SEC61A1: variants seen among roughly 807,000 people sequenced by gnomAD.
SEC61A1 encodes the protein SEC61 translocon subunit alpha 1, also known as protein transport protein Sec61 subunit alpha isoform 1.
A neutral mutation model predicts 55.2 loss-of-function variants in SEC61A1; 15 were observed. The observed-to-expected ratio is 0.27, with a 90% confidence interval of 0.18 to 0.42. The LOEUF (loss-of-function observed/expected upper bound fraction) is 0.42. SEC61A1 is among the 10% of genes least tolerant of loss of function. SEC61A1 has a pLI of 1.00. For synonymous variants in SEC61A1, 247 were observed against 234.0 expected (o/e 1.06, Z -0.51); for missense variants, 284 against 602.6 (o/e 0.47, Z 5.53).
In SEC61A1 at chr3:128,065,114, C is replaced by T. The variant is rs752496514; in HGVS notation, c.777+77C>T. ...AGAATGCCTTGTGTGCAGTCCCCCA[C>T]TCTGTGGGGTGCACTGTCATCATAT... On this transcript the variant is annotated intron_variant, in intron 8 of 11. Transcript: ENST00000243253. The T allele has an allele frequency of 1.2e-5, 17 of 1,421,790 alleles. No individual in the cohort carries two copies. The East Asian group carries it at 3.9e-4, about 32-fold the overall frequency. 88.1% of individuals were successfully genotyped at this position (1,421,790 alleles called of 1,614,324 possible).
chr3:128,061,674 T>TA (rs1290355655), intron 7 of SEC61A1, among the ~76,000 whole-genome samples: 1 of 152,192 alleles, frequency 6.6e-6, no homozygotes, highest in Non-Finnish European at 1.5e-5. Context: ...ATTTGATGCT[T>TA]CCTTGAGTAC....
At chr3:128,068,312 G>T (rs141028245) in intron 11 of SEC61A1, among the ~76,000 whole-genome samples, 1 of 152,264 alleles carries the variant, frequency 6.6e-6, no homozygotes, top group African/African-American at 2.4e-5. Context: ...GTGGCCAGGC[G>T]GATAGGAGAC....
chr3:128,054,511 T>G (rs1188273927), intron 2 of SEC61A1, among the ~76,000 whole-genome samples: 2 of 152,220 alleles, frequency 1.3e-5, no homozygotes. Context: ...ATTCACCCAC[T>G]GTTGTGTGGC....
upstream of SEC61A1, chr3:128,051,996 G>A (rs1204887161): frequency 9.8e-7 from 1 of 1,022,522 alleles, no homozygotes; most frequent in Non-Finnish European, 1.5e-6. Flanking sequence ...GCTGGGATAA[G>A]GTCCCTGCTC....
chr3:128,064,828 T>C (rs1266934761), intron 7 of SEC61A1, 49 bp from the exon 8 acceptor site: 4 of 1,502,546 alleles, frequency 2.7e-6, no homozygotes, highest in Non-Finnish European at 3.6e-6. Flanking sequence ...TAGAAGCAAA[T>C]TGAGTTGCCT....
chr3:128,069,479 C>T lies in SEC61A1; in HGVS notation c.1248C>T (p.Tyr416=). The T allele has an allele frequency of 8.1e-6, 13 of 1,610,532 alleles. No homozygotes were observed. The highest frequency in any genetic ancestry group is 1.1e-5 in the Non-Finnish European group (13 of 1,179,822). ...CTGACTGTGTCCCCTCCCCCAGGTA[C>T]ATCCCCACAGCCGCGGCCTTTGGTG... ...ETSMVHELNR[Y]IPTAAAFGGL... is the part of the protein sequence containing the mutation. The change falls in exon 12 of 12, where the codon TAC becomes TAT. Residue 416 remains tyrosine, a synonymous_variant. Coordinates refer to ENST00000243253, the MANE Select transcript of SEC61A1 (RefSeq NM_013336.4).
Position 128,066,946 on chromosome 3 carries a change from C to T in SEC61A1, c.778-8C>T, listed in dbSNP as rs1941999923. 1.9e-6 allele frequency: 3 copies of T among 1,614,044 alleles called. No individual in the cohort carries two copies. Among genetic ancestry groups the T allele is most frequent in the Middle Eastern group, 3.3e-4 (2 of 6,058 alleles). ...GTGAAGGGGATTTGGTTCTGTTTGG[C>T]TTCTCAGGGCTTCCGAGTGGACCTG... On this transcript the variant is annotated splice_polypyrimidine_tract_variant and splice_region_variant and intron_variant, in intron 8 of 11. Transcript: ENST00000243253.
intron 8 of SEC61A1, among the ~76,000 whole-genome samples, chr3:128,066,457 G>A (rs906917234): frequency 1.3e-5 from 2 of 151,996 alleles, no homozygotes; most frequent in African/African-American, 4.8e-5. Flanking sequence ...GGGTCTCGTT[G>A]TGTTGCTTAG....
At position 128,052,872 on chromosome 3, in the gene SEC61A1, C is replaced by T. The variant is rs780346463; in HGVS notation, c.45C>T (p.Ile15=). The change falls in exon 2 of 12, where the codon ATC becomes ATT. Residue 15 remains isoleucine, a synonymous_variant. Transcript: ENST00000243253. ...FLEVIKPFCV[I]LPEIQKPERK... ...AAGTCATCAAGCCCTTCTGTGTCATCCTGCCGGAAATTCAGAAGCCAGAGA... is the reference window on the plus strand; with the variant it reads ...AAGTCATCAAGCCCTTCTGTGTCATTCTGCCGGAAATTCAGAAGCCAGAGA... 14 of 1,613,056 alleles carry T rather than the reference C, an allele frequency of 8.7e-6. No homozygotes were observed. Among genetic ancestry groups the T allele is most frequent in the East Asian group, 2.2e-5 (1 of 44,866 alleles).
intron 7 of SEC61A1, among the ~76,000 whole-genome samples, chr3:128,064,380 C>T (rs1361176845): frequency 1.3e-5 from 2 of 152,148 alleles, no homozygotes; most frequent in Non-Finnish European, 2.9e-5. Flanking sequence ...GTGGCTCACA[C>T]CTGTAATCCC....
At chr3:128,057,430 T>A (rs1941788493) in intron 5 of SEC61A1, among the ~76,000 whole-genome samples, 1 of 152,006 alleles carries the variant, frequency 6.6e-6, no homozygotes, top group Non-Finnish European at 1.5e-5. Context: ...AGCTTGGAGG[T>A]CTTAGCACCC....
At chr3:128,053,830 C>T (rs1008178669) in intron 2 of SEC61A1, among the ~76,000 whole-genome samples, 2 of 151,956 alleles carry the variant, frequency 1.3e-5, no homozygotes, top group African/African-American at 4.8e-5. Flanking sequence ...GTGTGGTAGA[C>T]GGAACAAGGG....
intron 4 of SEC61A1, 126 bp downstream of exon 4, chr3:128,055,877 TAA>T: frequency 3.9e-6 from 3 of 767,804 alleles, no homozygotes; most frequent in East Asian, 2.5e-5. Flanking sequence ...TGAAGAATGT[TAA>T]AGTGCTGTGT....
chr3:128,064,041 G>A (rs1559796958), intron 7 of SEC61A1, among the ~76,000 whole-genome samples: 1 of 152,108 alleles, frequency 6.6e-6, no homozygotes, highest in Non-Finnish European at 1.5e-5. Context: ...CATTTGGATG[G>A]GACCACATGG....
chr3:128,066,022 G>A (rs531409087), intron 8 of SEC61A1, among the ~76,000 whole-genome samples: 7 of 152,178 alleles, frequency 4.6e-5, no homozygotes, highest in East Asian at 3.9e-4. Flanking sequence ...GATTACAGGC[G>A]TGAGCCACCG....
At chr3:128,052,077 G>C (rs925629312), upstream of SEC61A1, among the ~76,000 whole-genome samples, 7 of 152,168 alleles carry the variant, frequency 4.6e-5, no homozygotes, top group African/African-American at 1.7e-4. Flanking sequence ...GAGCCACCAG[G>C]GTCTCCGCCT....
In SEC61A1 at chr3:128,052,986, C is replaced by A; in HGVS notation, c.75+84C>A. The A allele has an allele frequency of 3.9e-6, 4 of 1,038,084 alleles. No homozygotes were observed. The Admixed American group carries it at 6.7e-5, about 17-fold the overall frequency. 64.3% of individuals were successfully genotyped at this position (1,038,084 alleles called of 1,614,324 possible). On this transcript the variant is annotated intron_variant, in intron 2 of 11. Coordinates refer to ENST00000243253, the MANE Select transcript of SEC61A1 (RefSeq NM_013336.4). ...TTTACAGTATGATTAAAAATGGCTT[C>A]AGCACGGCAATGGAAACTCTCCCTT...
At chr3:128,066,703 T>G in intron 8 of SEC61A1, 1 of 530,496 alleles carries the variant, frequency 1.9e-6, no homozygotes. Flanking sequence ...GGATTACAGG[T>G]GTAAGTCACC....
At chr3:128,069,409 C>T in intron 11 of SEC61A1, 67 bp from the exon 12 acceptor site, 1 of 1,485,910 alleles carries the variant, frequency 6.7e-7, no homozygotes, top group Non-Finnish European at 9.2e-7. Flanking sequence ...TCAGGTGAGC[C>T]TGTTGGCCGC....
Sources: gnomAD v4.1 joint callset for allele counts (sites outside exome capture counted in the v4.1 genomes callset) on GRCh38, gnomAD v4.1.1 for gene constraint, MANE v1.5 for transcripts, NCBI Gene and HGNC (gene_info 2026-07-23, HGNC 2026-07-21) for gene names.